Variants in EFR3A observed in about 807,000 individuals in gnomAD.
EFR3A encodes EFR3 homolog A, also known as protein EFR3 homolog A.
EFR3A carries 76 observed loss-of-function variants against 104.4 expected under a neutral mutation model. That is an observed-to-expected ratio of 0.73 (90% CI 0.60 to 0.88). The LOEUF (loss-of-function observed/expected upper bound fraction) is 0.88. Ranked by LOEUF, EFR3A falls within the 40% of genes least tolerant of loss-of-function variation. The pLI is 0.00. For synonymous variants in EFR3A, 330 were observed against 330.0 expected (o/e 1.00, Z 0.00); for missense variants, 985 against 1,012.5 (o/e 0.97, Z 0.37).
chr8:131,998,042 G>A (rs1821584197), intron 19 of EFR3A, among the ~76,000 whole-genome samples: 1 of 151,974 alleles, frequency 6.6e-6, no homozygotes, highest in African/African-American at 2.4e-5. Flanking sequence ...AGTCAAATAT[G>A]CCTCACACCA....
In EFR3A at chr8:131,978,923, C is replaced by T; in HGVS notation, c.1403C>T (p.Ser468Phe). ...TTCCTGGATCCTTTGTTATCACCATCTCTCATGGAGGACTACGAACTGAGA... is the reference window on the plus strand; with the variant it reads ...TTCCTGGATCCTTTGTTATCACCATTTCTCATGGAGGACTACGAACTGAGA... Reference protein sequence around the residue: ...GSFLDPLLSPSLMEDYELRQL... With the variant: ...GSFLDPLLSPFLMEDYELRQL... The change falls in exon 13 of 23, where the codon TCT (serine) becomes TTT (phenylalanine). Residue 468 changes from serine to phenylalanine, a missense_variant. Physicochemically the swap from Ser to Phe is radical, Grantham distance 155 (BLOSUM62 -2). Coordinates refer to ENST00000254624, the MANE Select transcript of EFR3A (RefSeq NM_015137.6). 1 of 1,613,094 alleles carries T rather than the reference C, an allele frequency of 6.2e-7. No homozygotes were observed. The highest frequency in any genetic ancestry group is 8.5e-7 in the Non-Finnish European group (1 of 1,179,286).
intron 7 of EFR3A, among the ~76,000 whole-genome samples, chr8:131,957,551 T>A (rs1819073235): frequency 6.6e-6 from 1 of 152,114 alleles, no homozygotes; most frequent in Non-Finnish European, 1.5e-5. Context: ...GATTTCGCCA[T>A]GTTGTTCAGG....
At chr8:131,916,840 T>C (rs1816765641) in intron 1 of EFR3A, among the ~76,000 whole-genome samples, 1 of 152,166 alleles carries the variant, frequency 6.6e-6, no homozygotes, top group South Asian at 2.1e-4. Flanking sequence ...ACAATAAAGG[T>C]AATTTATGAA....
chr8:131,941,259 G>A (rs1818159568), intron 2 of EFR3A, among the ~76,000 whole-genome samples: 2 of 151,990 alleles, frequency 1.3e-5, no homozygotes, highest in Admixed American at 6.6e-5. Flanking sequence ...TGGTTTCAAA[G>A]CAACTGGTTG....
intron 4 of EFR3A, among the ~76,000 whole-genome samples, chr8:131,949,168 C>T (rs1267146980): frequency 2.0e-5 from 3 of 151,890 alleles, no homozygotes; most frequent in Non-Finnish European, 4.4e-5. Context: ...AATGGTAATA[C>T]ATGTTAATAC....
At chr8:131,995,030 G>A (rs1327948410) in intron 18 of EFR3A, among the ~76,000 whole-genome samples, 1 of 152,048 alleles carries the variant, frequency 6.6e-6, no homozygotes, top group Non-Finnish European at 1.5e-5. Flanking sequence ...AGGAAAAATT[G>A]GAACTATGTT....
chr8:131,966,280 T>C (rs550321569), intron 8 of EFR3A, among the ~76,000 whole-genome samples: 3 of 152,170 alleles, frequency 2.0e-5, no homozygotes, highest in African/African-American at 7.2e-5. Context: ...TTACTAAAAC[T>C]TGCCTTATTT....
At chr8:131,962,670 GAT>G (rs1193160779) in intron 8 of EFR3A, among the ~76,000 whole-genome samples, 4 of 152,006 alleles carry the variant, frequency 2.6e-5, no homozygotes, top group Non-Finnish European at 5.9e-5. Flanking sequence ...AGTTAACAAG[GAT>G]ATACAAGGAT....
At chr8:131,916,441 T>C (rs192890046) in intron 1 of EFR3A, among the ~76,000 whole-genome samples, 1 of 152,302 alleles carries the variant, frequency 6.6e-6, no homozygotes, top group Admixed American at 6.5e-5. Context: ...CTATAGGGAC[T>C]TTTTGGAGGA....
At chr8:132,000,229 C>T (rs577409221) in intron 19 of EFR3A, among the ~76,000 whole-genome samples, 13 of 152,146 alleles carry the variant, frequency 8.5e-5, no homozygotes, top group Admixed American at 2.0e-4. Flanking sequence ...CCCGGGTTCA[C>T]GCCATTCTCC....
intron 1 of EFR3A, among the ~76,000 whole-genome samples, chr8:131,909,220 C>T (rs768539121): frequency 2.6e-5 from 4 of 152,104 alleles, no homozygotes; most frequent in East Asian, 1.9e-4. Context: ...ATACCATAAC[C>T]GGAACTTTTT....
intron 1 of EFR3A, among the ~76,000 whole-genome samples, chr8:131,929,831 T>C (rs984499072): frequency 1.3e-5 from 2 of 152,164 alleles, no homozygotes; most frequent in East Asian, 1.9e-4. Context: ...TACAGAAATA[T>C]AAGAGTCAGT....
At chr8:131,954,840 TAGC>T (rs780846465) in intron 6 of EFR3A, among the ~76,000 whole-genome samples, 4 of 151,976 alleles carry the variant, frequency 2.6e-5, no homozygotes, top group Non-Finnish European at 4.4e-5. Context: ...ATATGTGTAA[TAGC>T]AGCATAAAAG....
intron 1 of EFR3A, among the ~76,000 whole-genome samples, chr8:131,927,205 CTT>C (rs1459994042): frequency 6.6e-6 from 1 of 152,156 alleles, no homozygotes; most frequent in Admixed American, 6.5e-5. Flanking sequence ...TTAAGGACAA[CTT>C]GAAGAATAAT....
chr8:131,923,088 G>T (rs1312206960), intron 1 of EFR3A, among the ~76,000 whole-genome samples: 1 of 152,118 alleles, frequency 6.6e-6, no homozygotes, highest in Non-Finnish European at 1.5e-5. Flanking sequence ...CACAGGTTTT[G>T]CTGTGAAAAA....
chr8:131,976,972 A>G, intron 11 of EFR3A, 69 bp from the exon 12 acceptor site: 1 of 1,064,250 alleles, frequency 9.4e-7, no homozygotes, highest in East Asian at 2.7e-5. Flanking sequence ...TTTTAAAATC[A>G]GTAATTGAAG....
chr8:132,009,451 C>T (rs926001771), intron 22 of EFR3A, among the ~76,000 whole-genome samples: 1 of 151,976 alleles, frequency 6.6e-6, no homozygotes, highest in Non-Finnish European at 1.5e-5. Context: ...TAGAAAGAAA[C>T]AAGGGAGTAT....
rs1348592169 is a variant in EFR3A at position 131,959,566 on chromosome 8, T to C, written c.777-19T>C. 2 of 1,602,836 alleles carry C rather than the reference T, an allele frequency of 1.2e-6. No homozygotes were observed. The highest frequency in any genetic ancestry group is 1.7e-5 in the Admixed American group (1 of 58,636). ...TATAGTAAAATAGAGAATTTTAAAG[T>C]AATTTTTGTTATTTGCAGGCATTTA... On this transcript the variant is annotated intron_variant, in intron 7 of 22. Coordinates refer to ENST00000254624, the MANE Select transcript of EFR3A (RefSeq NM_015137.6).
chr8:131,957,317 T>C (rs1207359432), intron 7 of EFR3A, among the ~76,000 whole-genome samples: 1 of 151,536 alleles, frequency 6.6e-6, no homozygotes, highest in East Asian at 1.9e-4. Flanking sequence ...AAACAAATAA[T>C]TCATGTCTAA....
Sources: allele counts gnomAD v4.1 joint callset (sites outside exome capture counted in the v4.1 genomes callset), GRCh38; gene constraint gnomAD v4.1.1; transcripts MANE v1.5; gene names NCBI Gene and HGNC (gene_info 2026-07-23, HGNC 2026-07-21).